The following CADM2 variants were observed in gnomAD, a reference collection of about 807,000 sequenced individuals.
CADM2 encodes immunoglobulin superfamily member 4D.
CADM2 carries 12 observed loss-of-function variants against 49.8 expected under a neutral mutation model. The observed-to-expected ratio is 0.24, with a 90% CI of 0.15 to 0.39. The LOEUF is 0.39. CADM2 is among the 10% of genes least tolerant of loss of function. The probability of loss-of-function intolerance (pLI) is 1.00; values close to 1 mark genes in which losing one functional copy is unlikely to be tolerated. For missense variants in CADM2, 378 were observed against 492.3 expected (o/e 0.77, Z 2.20); for synonymous variants, 214 against 175.4 (o/e 1.22, Z -1.74).
At chr3:85,854,736 A>T (rs2075241300) in intron 3 of CADM2, among the ~76,000 whole-genome samples, 1 of 152,154 alleles carries the variant, frequency 6.6e-6, no homozygotes, top group Admixed American at 6.5e-5. Flanking sequence ...CTATGTAACA[A>T]GCCTGCACGT....
chr3:85,634,832 T>C (rs918942131), intron 1 of CADM2, among the ~76,000 whole-genome samples: 4 of 152,052 alleles, frequency 2.6e-5, no homozygotes, highest in Non-Finnish European at 5.9e-5. Context: ...CATAGCAAAC[T>C]TTAAAATTCC....
intron 1 of CADM2, among the ~76,000 whole-genome samples, chr3:85,716,135 G>A (rs1316943094): frequency 6.6e-6 from 1 of 152,166 alleles, no homozygotes; most frequent in South Asian, 2.1e-4. Context: ...GTGTAAAAGT[G>A]TTCCTATTTC....
intron 1 of CADM2, among the ~76,000 whole-genome samples, chr3:85,158,392 G>A (rs1345235244): frequency 2.0e-5 from 3 of 152,230 alleles, no homozygotes; most frequent in South Asian, 2.1e-4. Flanking sequence ...ACATCCACAC[G>A]TATGTTTACT....
At position 85,346,558 on chromosome 3, in the gene CADM2, T is replaced by A. The variant is rs1019169315; in HGVS notation, c.62-379964T>A. Among the ~76,000 whole-genome samples, 29 of 152,278 alleles carry A rather than the reference T, an allele frequency of 1.9e-4. 1 individual carries two copies. Among genetic ancestry groups the A allele is most frequent in the African/African-American group, 6.0e-4 (25 of 41,576 alleles). On this transcript the variant is annotated intron_variant, in intron 1 of 9. Transcript: ENST00000383699. Reference sequence around the variant, plus strand: ...ATTTCCACAAAAGCCTGCTTTTGAATAAAAATATTATTAATGAGAAAAGGC... The same window carrying A: ...ATTTCCACAAAAGCCTGCTTTTGAAAAAAAATATTATTAATGAGAAAAGGC...
intron 1 of CADM2, among the ~76,000 whole-genome samples, chr3:85,682,346 G>A (rs1162089105): frequency 6.6e-6 from 1 of 151,974 alleles, no homozygotes; most frequent in Admixed American, 6.6e-5. Flanking sequence ...CTAAATAGGA[G>A]GAAAGTCGAC....
At chr3:85,567,100 T>C (rs555463044) in intron 1 of CADM2, among the ~76,000 whole-genome samples, 73 of 152,210 alleles carry the variant, frequency 4.8e-4, no homozygotes, top group South Asian at 1.0e-3. Flanking sequence ...ATTTCTGTAT[T>C]GTATCCTGCA....
intron 1 of CADM2, among the ~76,000 whole-genome samples, chr3:85,287,001 A>G (rs768984385): frequency 1.3e-5 from 2 of 152,204 alleles, no homozygotes; most frequent in Non-Finnish European, 2.9e-5. Flanking sequence ...CACACAAAAT[A>G]TATTGTTAGT....
rs150283712 is a variant in CADM2 at position 85,307,190 on chromosome 3, CATATT to C, written c.61+347527_61+347531del. On this transcript the variant is annotated intron_variant, in intron 1 of 9. Transcript: ENST00000383699. ...ATATATGTGTGGTTATGTTTATACA[CATATT>C]ATATATATATAATCAAACCAGTATT... is the stretch of plus-strand genomic sequence containing the variant. Among the ~76,000 whole-genome samples the C allele has an allele frequency of 3.6e-3, 542 of 151,654 alleles. 5 individuals are homozygous for C. The highest frequency in any genetic ancestry group is 0.013 in the African/African-American group (521 of 41,470).
chr3:85,700,651 TC>T (rs2066726269), intron 1 of CADM2, among the ~76,000 whole-genome samples: 1 of 152,134 alleles, frequency 6.6e-6, no homozygotes, highest in Non-Finnish European at 1.5e-5. Context: ...GTTCCATAGA[TC>T]CTTAGGGTTG....
At chr3:85,965,311 G>T in intron 8 of CADM2, among the ~76,000 whole-genome samples, 1 of 141,382 alleles carries the variant, frequency 7.1e-6, no homozygotes, top group South Asian at 2.3e-4. Context: ...TAAATATTAT[G>T]ATAAATATTA....
chr3:85,384,108 G>T (rs2034067727), intron 1 of CADM2, among the ~76,000 whole-genome samples: 1 of 152,072 alleles, frequency 6.6e-6, no homozygotes, highest in Non-Finnish European at 1.5e-5. Flanking sequence ...CACCAATGTT[G>T]CATATTCTAC....
chr3:85,723,388 G>A (rs570948196), intron 1 of CADM2, among the ~76,000 whole-genome samples: 23 of 152,192 alleles, frequency 1.5e-4, no homozygotes, highest in African/African-American at 5.1e-4. Context: ...TGTGCAATGT[G>A]CACTTTACAA....
chr3:85,830,958 T>A (rs141582356), intron 3 of CADM2, among the ~76,000 whole-genome samples: 7 of 151,878 alleles, frequency 4.6e-5, no homozygotes, highest in Admixed American at 4.0e-4. Context: ...AGCATAGACC[T>A]GATAAGTAGC....
In CADM2 at chr3:85,331,178, C is replaced by A. The variant is rs114678697; in HGVS notation, c.61+371510C>A. Among the ~76,000 whole-genome samples the A allele has an allele frequency of 2.6e-3, 390 of 152,042 alleles. 1 individual carries two copies. The highest frequency in any genetic ancestry group is 9.1e-3 in the African/African-American group (377 of 41,504). The stretch of plus-strand genomic sequence containing the variant: ...GTTTTAAAATATGCCATAAAATTTT[C>A]TTTACCATAGTTGCCCTACTGTGCT... On this transcript the variant is annotated intron_variant, in intron 1 of 9. Transcript: ENST00000383699.
At chr3:85,791,587 CAG>C (rs1033278537) in intron 2 of CADM2, among the ~76,000 whole-genome samples, 2 of 131,454 alleles carry the variant, frequency 1.5e-5, no homozygotes, top group African/African-American at 2.8e-5. Flanking sequence ...GAAAGAGAGA[CAG>C]AGAGAGAGAA....
intron 1 of CADM2, among the ~76,000 whole-genome samples, chr3:85,183,608 G>C (rs952644578): frequency 6.6e-6 from 1 of 152,006 alleles, no homozygotes; most frequent in Non-Finnish European, 1.5e-5. Context: ...TGATTTCATC[G>C]TGATTTTGTA....
At chr3:85,174,218 T>C (rs1196841754) in intron 1 of CADM2, among the ~76,000 whole-genome samples, 1 of 152,218 alleles carries the variant, frequency 6.6e-6, no homozygotes, top group Non-Finnish European at 1.5e-5. Context: ...CTGAGAAACA[T>C]AGGTGTCTAA....
chr3:85,896,808 C>T (rs1045551332), intron 5 of CADM2, among the ~76,000 whole-genome samples: 1 of 152,100 alleles, frequency 6.6e-6, no homozygotes, highest in African/African-American at 2.4e-5. Context: ...CTGCTTATAT[C>T]GGCAGTTGGA....
At chr3:85,627,734 C>A (rs1256691552) in intron 1 of CADM2, among the ~76,000 whole-genome samples, 1 of 151,922 alleles carries the variant, frequency 6.6e-6, no homozygotes, top group Non-Finnish European at 1.5e-5. Context: ...CAAATAAAAA[C>A]TCCAAAGAAG....
Sources: gnomAD v4.1 joint callset for allele counts (sites outside exome capture counted in the v4.1 genomes callset) on GRCh38, gnomAD v4.1.1 for gene constraint, MANE v1.5 for transcripts, NCBI Gene and HGNC (gene_info 2026-07-23, HGNC 2026-07-21) for gene names.